POFUT3: variants seen among roughly 807,000 people sequenced by gnomAD.
The protein encoded by POFUT3 is protein O-fucosyltransferase 3.
the POFUT3 span, among the ~76,000 whole-genome samples, chr8:33,417,194 T>A: frequency 6.6e-6 from 1 of 152,222 alleles, no homozygotes; most frequent in Non-Finnish European, 1.5e-5. Context: ...ACGCTCCTTA[T>A]GAGAACCTGA....
chr8:33,349,454 A>T, the POFUT3 span, among the ~76,000 whole-genome samples: 1 of 151,998 alleles, frequency 6.6e-6, no homozygotes, highest in African/African-American at 2.4e-5. Context: ...TCGCACTAAG[A>T]CCCCAAAGTC....
the POFUT3 span, among the ~76,000 whole-genome samples, chr8:33,446,196 C>A: frequency 6.6e-6 from 1 of 152,074 alleles, no homozygotes; most frequent in Non-Finnish European, 1.5e-5. Context: ...GTAGCTCATG[C>A]CTGTAATCCC....
At chr8:33,342,637 C>T in the POFUT3 span, among the ~76,000 whole-genome samples, 1 of 152,124 alleles carries the variant, frequency 6.6e-6, no homozygotes, top group South Asian at 2.1e-4. Flanking sequence ...ATCAGGATGG[C>T]CAAAACTAAA....
the POFUT3 span, among the ~76,000 whole-genome samples, chr8:33,354,318 G>A: frequency 2.6e-5 from 4 of 152,148 alleles, no homozygotes; most frequent in South Asian, 2.1e-4. Flanking sequence ...TCTGGAGAAC[G>A]AGGAGGGTTG....
At chr8:33,355,818 C>T in the POFUT3 span, among the ~76,000 whole-genome samples, 2 of 152,088 alleles carry the variant, frequency 1.3e-5, no homozygotes, top group Non-Finnish European at 2.9e-5. Context: ...CTATCCCTCG[C>T]CCCTCCCCCA....
At chr8:33,412,023 A>C in the POFUT3 span, among the ~76,000 whole-genome samples, 1 of 151,804 alleles carries the variant, frequency 6.6e-6, no homozygotes, top group Non-Finnish European at 1.5e-5. Context: ...GCACACTGAG[A>C]GTTTCCTCAT....
At chr8:33,314,902 C>T in the POFUT3 span, among the ~76,000 whole-genome samples, 13,632 of 152,120 alleles carry the variant, frequency 0.09, 1,142 homozygotes, top group African/African-American at 0.21. Flanking sequence ...TCATAGGGCT[C>T]CTATTGAAAA....
the POFUT3 span, among the ~76,000 whole-genome samples, chr8:33,460,983 T>A: frequency 6.6e-6 from 1 of 152,004 alleles, no homozygotes; most frequent in African/African-American, 2.4e-5. Flanking sequence ...TGAAACCACA[T>A]CTCTATTAAT....
At chr8:33,460,663 T>C in the POFUT3 span, 18 of 905,450 alleles carry the variant, frequency 2.0e-5, no homozygotes, top group South Asian at 7.6e-4. Flanking sequence ...GACTGAGCTT[T>C]ACTTCCTGTT....
chr8:33,316,741 C>CAAAA, the POFUT3 span, among the ~76,000 whole-genome samples: 2 of 136,818 alleles, frequency 1.5e-5, no homozygotes, highest in African/African-American at 5.3e-5. Context: ...GACTCTGTCT[C>CAAAA]AAAAAAAAAA....
chr8:33,457,191 T>C, the POFUT3 span, among the ~76,000 whole-genome samples: 1 of 152,190 alleles, frequency 6.6e-6, no homozygotes. Context: ...CTCACACCTG[T>C]ACTCCCAGCA....
the POFUT3 span, among the ~76,000 whole-genome samples, chr8:33,376,494 A>C: frequency 3.3e-5 from 5 of 152,306 alleles, no homozygotes; most frequent in Non-Finnish European, 7.3e-5. Context: ...AAGTGAAGGG[A>C]CTATATAAGT....
At chr8:33,437,039 G>T in the POFUT3 span, among the ~76,000 whole-genome samples, 4 of 152,090 alleles carry the variant, frequency 2.6e-5, no homozygotes, top group African/African-American at 9.7e-5. Context: ...ATTCTAATTC[G>T]CTTAGGATAA....
At chr8:33,457,972 G>A in the POFUT3 span, among the ~76,000 whole-genome samples, 355 of 152,132 alleles carry the variant, frequency 2.3e-3, 1 homozygote, top group African/African-American at 7.5e-3. Context: ...GGGCTAAATT[G>A]TATACCCCAA....
At chr8:33,394,427 G>GT in the POFUT3 span, among the ~76,000 whole-genome samples, 1 of 152,048 alleles carries the variant, frequency 6.6e-6, no homozygotes, top group Non-Finnish European at 1.5e-5. Context: ...CCTGTTCGAA[G>GT]TCTTACCCCT....
chr8:33,326,444 A>G, the POFUT3 span, among the ~76,000 whole-genome samples: 1 of 152,228 alleles, frequency 6.6e-6, no homozygotes, highest in Non-Finnish European at 1.5e-5. Context: ...TCATATATTC[A>G]GTATTACATA....
the POFUT3 span, among the ~76,000 whole-genome samples, chr8:33,320,100 C>T: frequency 6.6e-6 from 1 of 151,732 alleles, no homozygotes; most frequent in African/African-American, 2.4e-5. Context: ...AGAGACTATG[C>T]CATGTGTATG....
chr8:33,318,677 G>T, the POFUT3 span, among the ~76,000 whole-genome samples: 92 of 43,230 alleles, frequency 2.1e-3, 4 homozygotes, highest in African/African-American at 5.9e-3. Context: ...TAAATATATT[G>T]TATATATATT....
the POFUT3 span, among the ~76,000 whole-genome samples, chr8:33,362,926 A>T: frequency 1.3e-4 from 20 of 152,228 alleles, no homozygotes; most frequent in African/African-American, 4.1e-4. Flanking sequence ...CAGACCTAAT[A>T]GACATCAACA....
Sources: allele counts gnomAD v4.1 joint callset (sites outside exome capture counted in the v4.1 genomes callset), GRCh38; gene constraint gnomAD v4.1.1; transcripts MANE v1.5; gene names NCBI Gene and HGNC (gene_info 2026-07-23, HGNC 2026-07-21).